Variants in ASTN2 observed in about 807,000 individuals in gnomAD.
ASTN2 encodes the protein astrotactin-2.
ASTN2 carries 54 observed loss-of-function variants against 139.8 expected under a neutral mutation model. That is an observed-to-expected ratio of 0.39 (90% confidence interval 0.31 to 0.48). The LOEUF (loss-of-function observed/expected upper bound fraction) is 0.48. Ranked by LOEUF, ASTN2 falls within the 20% of genes least tolerant of loss-of-function variation. The probability of loss-of-function intolerance (pLI) is 0.95; values close to 1 mark genes in which losing one functional copy is unlikely to be tolerated. For synonymous variants in ASTN2, 756 were observed against 719.5 expected, an observed-to-expected ratio of 1.05 and a Z score of -0.81; for missense variants, 1,565 against 1,725.1, an observed-to-expected ratio of 0.91 and a Z score of 1.64.
chr9:117,365,497 A>C (rs1829819100), intron 1 of ASTN2, among the ~76,000 whole-genome samples: 3 of 152,070 alleles, frequency 2.0e-5, no homozygotes, highest in Admixed American at 2.0e-4. Context: ...TGGGGCAGAC[A>C]ATATCTGAAA....
At chr9:117,028,258 G>A (rs112311408) in intron 6 of ASTN2, among the ~76,000 whole-genome samples, 7,455 of 152,234 alleles carry the variant, frequency 0.049, 533 homozygotes, top group African/African-American at 0.16. Flanking sequence ...TCCAGCTGAT[G>A]ATGAGATGCC....
intron 19 of ASTN2, among the ~76,000 whole-genome samples, chr9:116,505,696 G>A (rs1238546684): frequency 6.6e-6 from 1 of 152,206 alleles, no homozygotes; most frequent in Non-Finnish European, 1.5e-5. Flanking sequence ...ACTTTACAGT[G>A]TACCTGGTAT....
intron 19 of ASTN2, among the ~76,000 whole-genome samples, chr9:116,566,301 T>G (rs1359592857): frequency 6.6e-6 from 1 of 152,192 alleles, no homozygotes; most frequent in Non-Finnish European, 1.5e-5. Flanking sequence ...CTGCCTGGAA[T>G]TCCCATTTCA....
At position 117,241,343 on chromosome 9, in the gene ASTN2, T is replaced by G. The variant is rs142914182; in HGVS notation, c.631-26601A>C. Among the ~76,000 whole-genome samples, 28 of 152,266 alleles carry G rather than the reference T, an allele frequency of 1.8e-4. No homozygotes were observed. In the East Asian group the frequency reaches 5.0e-3, roughly 27 times the overall value. ...CTGGTTTCATTCAAGTTAGAGGTCA[T>G]TTTGACATTTATATCAGTGCAAGCA... On this transcript the variant is annotated intron_variant, in intron 2 of 22. Transcript: ENST00000313400.
At chr9:117,192,309 C>T (rs1831370649) in intron 3 of ASTN2, among the ~76,000 whole-genome samples, 1 of 151,820 alleles carries the variant, frequency 6.6e-6, no homozygotes. Context: ...GTGAACTCCA[C>T]CATGTGGTAC....
intron 19 of ASTN2, among the ~76,000 whole-genome samples, chr9:116,589,476 T>G (rs756874303): frequency 6.6e-6 from 1 of 152,138 alleles, no homozygotes. Flanking sequence ...TCCTAATGAG[T>G]TGTGGAGAGA....
At chr9:116,586,652 AGG>A (rs1854154657) in intron 19 of ASTN2, among the ~76,000 whole-genome samples, 2 of 151,984 alleles carry the variant, frequency 1.3e-5, no homozygotes, top group Admixed American at 6.6e-5. Flanking sequence ...AGGGGGAGGG[AGG>A]GAGAGATCCG....
At chr9:116,977,836 C>T (rs1314990890) in intron 7 of ASTN2, among the ~76,000 whole-genome samples, 4 of 151,138 alleles carry the variant, frequency 2.6e-5, no homozygotes, top group African/African-American at 9.7e-5. Context: ...CCCGTCTCAG[C>T]CTCCCGAGTA....
intron 20 of ASTN2, among the ~76,000 whole-genome samples, chr9:116,480,250 A>G (rs967877715): frequency 1.3e-5 from 2 of 152,052 alleles, no homozygotes; most frequent in South Asian, 4.1e-4. Flanking sequence ...AAGCAGACAG[A>G]GAAAGATAGA....
chr9:116,965,402 A>T (rs1835986215), intron 10 of ASTN2, among the ~76,000 whole-genome samples: 1 of 152,138 alleles, frequency 6.6e-6, no homozygotes, highest in East Asian at 1.9e-4. Context: ...CTAACATGTG[A>T]CAGACTTCTC....
chr9:116,906,329 A>G (rs1308774150), intron 10 of ASTN2, among the ~76,000 whole-genome samples: 1 of 152,216 alleles, frequency 6.6e-6, no homozygotes, highest in Non-Finnish European at 1.5e-5. Flanking sequence ...TTAGGGAAAA[A>G]CAAAAGGCAG....
At chr9:117,055,438 AAC>A (rs1369108534) in intron 5 of ASTN2, among the ~76,000 whole-genome samples, 1 of 152,212 alleles carries the variant, frequency 6.6e-6, no homozygotes, top group Non-Finnish European at 1.5e-5. Context: ...GCAACATAGT[AAC>A]ACACATATTT....
rs547039044 is a variant in ASTN2 at position 117,235,970 on chromosome 9, A to G, written c.631-21228T>C. ...ATTAAATAACATTTTCAGAGAACTAAAGGCAGGTCTTTCTGACTTGAGCTC... is the reference window on the plus strand; with the variant it reads ...ATTAAATAACATTTTCAGAGAACTAGAGGCAGGTCTTTCTGACTTGAGCTC... On this transcript the variant is annotated intron_variant, in intron 2 of 22. Coordinates refer to ENST00000313400, the MANE Select transcript of ASTN2 (RefSeq NM_001365068.1). 4.6e-5 allele frequency among the ~76,000 whole-genome samples: 7 copies of G among 152,300 alleles called. No individual in the cohort carries two copies. The East Asian group carries it at 1.4e-3, about 29-fold the overall frequency.
Position 116,624,055 on chromosome 9 carries a change from T to A in ASTN2, c.3073-3612A>T, listed in dbSNP as rs538461810. On this transcript the variant is annotated intron_variant, in intron 17 of 22. Coordinates refer to ENST00000313400, the MANE Select transcript of ASTN2 (RefSeq NM_001365068.1). ...CTTAATGGCTACATTTGCATGGCCA[T>A]TGGTTTTCATAACGAAGGTTTGCAT... Among the ~76,000 whole-genome samples, 12 of 152,310 alleles carry A rather than the reference T, an allele frequency of 7.9e-5. No individual in the cohort carries two copies. The South Asian group carries it at 2.5e-3, about 32-fold the overall frequency.
Position 117,078,944 on chromosome 9 carries a change from C to T in ASTN2, c.1276+17100G>A, listed in dbSNP as rs562839507. ...AGAGAGGGGGTTTCACCATATTGGGCAGGCTGGTCTTGAACTCCTGACCTC... is the reference window on the plus strand; with the variant it reads ...AGAGAGGGGGTTTCACCATATTGGGTAGGCTGGTCTTGAACTCCTGACCTC... On this transcript the variant is annotated intron_variant, in intron 5 of 22. Coordinates refer to ENST00000313400, the MANE Select transcript of ASTN2 (RefSeq NM_001365068.1). Among the ~76,000 whole-genome samples the T allele has an allele frequency of 8.5e-5, 13 of 152,286 alleles. No individual in the cohort carries two copies. In the South Asian group the frequency reaches 2.7e-3, roughly 32 times the overall value.
intron 19 of ASTN2, among the ~76,000 whole-genome samples, chr9:116,576,924 G>A (rs1309055212): frequency 6.6e-6 from 1 of 152,070 alleles, no homozygotes; most frequent in Non-Finnish European, 1.5e-5. Flanking sequence ...TCTCTTCCCT[G>A]GGCCAGGCAC....
intron 14 of ASTN2, among the ~76,000 whole-genome samples, chr9:116,730,027 CTT>C (rs1490903046): frequency 1.3e-5 from 2 of 152,142 alleles, no homozygotes; most frequent in Non-Finnish European, 2.9e-5. Flanking sequence ...ATGAAAAATT[CTT>C]GTTTTCTGAC....
intron 1 of ASTN2, among the ~76,000 whole-genome samples, chr9:117,341,742 T>C (rs1451108703): frequency 2.0e-5 from 3 of 152,170 alleles, no homozygotes; most frequent in Admixed American, 6.5e-5. Flanking sequence ...TGAGACTCAC[T>C]AGCTCTATTG....
chr9:116,735,202 C>A (rs1191443850), intron 13 of ASTN2, among the ~76,000 whole-genome samples: 5 of 152,268 alleles, frequency 3.3e-5, no homozygotes, highest in African/African-American at 1.2e-4. Flanking sequence ...TTTAAACATG[C>A]TGCTGTGTGT....
Sources: allele counts gnomAD v4.1 joint callset (sites outside exome capture counted in the v4.1 genomes callset), GRCh38; gene constraint gnomAD v4.1.1; transcripts MANE v1.5; gene names NCBI Gene and HGNC (gene_info 2026-07-23, HGNC 2026-07-21).